ARID3A: variants seen among roughly 807,000 people sequenced by gnomAD.
ARID3A encodes AT-rich interaction domain 3A, also known as AT-rich interactive domain-containing protein 3A.
In ARID3A, 11 loss-of-function variants were observed where a neutral mutation model predicts 52.7. The observed-to-expected ratio is 0.21, with a 90% CI of 0.13 to 0.35. The LOEUF (loss-of-function observed/expected upper bound fraction) is 0.35, where lower values mean the gene tolerates loss of function less well. Ranked by LOEUF, ARID3A falls within the 10% of genes least tolerant of loss-of-function variation. The pLI, the probability that ARID3A is intolerant of heterozygous loss-of-function variation, is 1.00. For synonymous variants in ARID3A, 404 were observed against 359.4 expected (o/e 1.12, Z -1.40); for missense variants, 721 against 838.5 (o/e 0.86, Z 1.73).
At chr19:955,715 G>C (rs867286805) in intron 3 of ARID3A, among the ~76,000 whole-genome samples, 16 of 152,290 alleles carry the variant, frequency 1.1e-4, no homozygotes, top group African/African-American at 3.8e-4. Context: ...GGGAAGGGGG[G>C]GTCCAGGCAG....
chr19:966,511 C>T, intron 6 of ARID3A, 61 bp from the exon 7 acceptor site: 2 of 1,387,564 alleles, frequency 1.4e-6, no homozygotes, highest in Admixed American at 2.3e-5. Context: ...ATGTTCCTGC[C>T]TTGAGTGGAA....
chr19:952,261 A>G (rs1029789752), intron 3 of ARID3A, among the ~76,000 whole-genome samples: 5 of 151,798 alleles, frequency 3.3e-5, no homozygotes, highest in Non-Finnish European at 7.4e-5. Flanking sequence ...CCTGGGCAAC[A>G]TAGCAAGACC....
chr19:967,037 C>G (rs577262725), intron 7 of ARID3A, among the ~76,000 whole-genome samples, 169 bp downstream of exon 7: 34 of 152,034 alleles, frequency 2.2e-4, no homozygotes, highest in African/African-American at 8.2e-4. Context: ...GTGGGTGGAT[C>G]ACTTGAGGTC....
At chr19:967,999 C>T (rs1322457385) in intron 7 of ARID3A, among the ~76,000 whole-genome samples, 4 of 148,048 alleles carry the variant, frequency 2.7e-5, no homozygotes, top group Non-Finnish European at 4.5e-5. Flanking sequence ...GAGCCGAGAT[C>T]GCACCACTGC....
rs1424456383 is a variant in ARID3A at position 932,750 on chromosome 19, G to T, written c.693+8G>T. The T allele has an allele frequency of 2.6e-6, 4 of 1,546,572 alleles. No individual in the cohort carries two copies. The highest frequency in any genetic ancestry group is 3.5e-6 in the Non-Finnish European group (4 of 1,146,308). ...GAGGAGCAGTTTAAGCAGGTGAGTG[G>T]GCGCGTCCCGCGTGGCGGCTGAGGC... On this transcript the variant is annotated splice_region_variant and intron_variant, in intron 3 of 8. Coordinates refer to ENST00000263620, the MANE Select transcript of ARID3A (RefSeq NM_005224.3).
Position 964,505 on chromosome 19 carries a change from G to A in ARID3A, c.950+74G>A, listed in dbSNP as rs1006018839. 4.2e-5 allele frequency: 62 copies of A among 1,482,066 alleles called. No homozygotes were observed. The highest frequency in any genetic ancestry group is 5.6e-5 in the Non-Finnish European group (62 of 1,108,788). 91.8% of individuals were successfully genotyped at this position (1,482,066 alleles called of 1,614,324 possible). ...GCCAGTGCAAGGGGCCTGCAGAAGA[G>A]GGAGGGGGTGGTGGGCAGCTGCAGA... On this transcript the variant is annotated intron_variant, in intron 5 of 8. Transcript: ENST00000263620. The surrounding 1 kb of genome is among the most constrained non-coding windows in gnomAD (Gnocchi z 5.7).
intron 2 of ARID3A, among the ~76,000 whole-genome samples, chr19:931,087 A>G (rs569582165): frequency 4.7e-4 from 71 of 151,952 alleles, no homozygotes; most frequent in African/African-American, 1.7e-3. Flanking sequence ...TGAGCCCAGG[A>G]GTTCAAGACC....
chr19:973,152 A>G lies in ARID3A; in HGVS notation c.*1087A>G, dbSNP rs1461153727. ...AGACGGAGTTTTGCTCTTGTCGCCC[A>G]GGCTGGAGTGAGTGCAATGGTGCGA... On this transcript the variant is annotated 3_prime_UTR_variant, in exon 9 of 9. Coordinates refer to ENST00000263620, the MANE Select transcript of ARID3A (RefSeq NM_005224.3). 2.0e-5 allele frequency: 2 copies of G among 99,256 alleles called. No individual in the cohort carries two copies. The highest frequency in any genetic ancestry group is 3.8e-5 in the Non-Finnish European group (2 of 52,804). 6.1% of individuals were successfully genotyped at this position (99,256 alleles called of 1,614,324 possible).
At position 959,666 on chromosome 19, in the gene ARID3A, G is replaced by A. The variant is rs1055554142; in HGVS notation, c.694-426G>A. On this transcript the variant is annotated intron_variant, in intron 3 of 8. Coordinates refer to ENST00000263620, the MANE Select transcript of ARID3A (RefSeq NM_005224.3). This position sits in a 1 kb window ranked among gnomAD's most constrained non-coding sequence, Gnocchi z 5.0. ...TGTGGCTGTAAGGGAGTTAAGGATC[G>A]ATTTGAGATGAGGTGGCCCTAAAAC... 6.6e-6 allele frequency among the ~76,000 whole-genome samples: 1 copy of A among 152,130 alleles called. No individual in the cohort carries two copies. The highest frequency in any genetic ancestry group is 1.5e-5 in the Non-Finnish European group (1 of 68,026).
intron 3 of ARID3A, among the ~76,000 whole-genome samples, chr19:953,133 T>G (rs978935048): frequency 2.0e-5 from 3 of 151,648 alleles, no homozygotes; most frequent in African/African-American, 7.3e-5. Flanking sequence ...ACTCCCTGGT[T>G]CTAGGGGTGG....
chr19:961,060 G>T (rs2038030699), intron 4 of ARID3A, among the ~76,000 whole-genome samples: 1 of 152,174 alleles, frequency 6.6e-6, no homozygotes, highest in East Asian at 1.9e-4. Context: ...CTGCTGCCAG[G>T]TAGGAGCCGC....
chr19:971,257 C>T (rs781423983), intron 8 of ARID3A, among the ~76,000 whole-genome samples: 1 of 152,160 alleles, frequency 6.6e-6, no homozygotes, highest in Non-Finnish European at 1.5e-5. Context: ...TGTTTTAGGC[C>T]AGGAACTTGA....
Position 932,057 on chromosome 19 carries a change from G to T in ARID3A, c.369-361G>T, listed in dbSNP as rs113186570. On this transcript the variant is annotated intron_variant, in intron 2 of 8. Coordinates refer to ENST00000263620, the MANE Select transcript of ARID3A (RefSeq NM_005224.3). ...GTGGCCCAGGCTGGAGTGCAGTGGTGCCATCATAGCTCACTACAGCCTCCA... is the reference window on the plus strand; with the variant it reads ...GTGGCCCAGGCTGGAGTGCAGTGGTTCCATCATAGCTCACTACAGCCTCCA... 3.0e-3 allele frequency among the ~76,000 whole-genome samples: 454 copies of T among 151,954 alleles called. 4 individuals are homozygous for T. The highest frequency in any genetic ancestry group is 0.01 in the African/African-American group (434 of 41,438).
At chr19:971,379 A>G (rs540028298) in intron 8 of ARID3A, among the ~76,000 whole-genome samples, 1 of 152,346 alleles carries the variant, frequency 6.6e-6, no homozygotes, top group Middle Eastern at 3.4e-3. Context: ...TGGGAGGCCA[A>G]GGTGGGTGGA....
intron 3 of ARID3A, among the ~76,000 whole-genome samples, chr19:945,383 G>T (rs2037657138): frequency 6.6e-6 from 1 of 151,958 alleles, no homozygotes; most frequent in Admixed American, 6.6e-5. Context: ...GTGTGGCATG[G>T]CCCCTGCTGC....
At chr19:969,113 A>T (rs1445624773) in intron 8 of ARID3A, among the ~76,000 whole-genome samples, 3 of 151,804 alleles carry the variant, frequency 2.0e-5, no homozygotes, top group African/African-American at 7.2e-5. Flanking sequence ...TGTATTTTTT[A>T]TTTTTTTTAA....
In ARID3A at chr19:971,776, G is replaced by T. The variant is rs545799956; in HGVS notation, c.1595-102G>T. ...CACTCTAGCCTGGGGGACAGAGTGA[G>T]AGAGAAGTTTATTCCCCGGAGCACC... On this transcript the variant is annotated intron_variant, in intron 8 of 8. Transcript: ENST00000263620. 5.5e-5 allele frequency: 77 copies of T among 1,409,424 alleles called. 1 individual carries two copies. In the South Asian group the frequency reaches 6.1e-4, roughly 11 times the overall value. The allele number at this position is 1,409,424 out of a possible 1,614,324, so 87.3% of individuals were successfully genotyped here. A position where few individuals can be genotyped will look rare whatever the true frequency, so the allele number is the denominator to read the frequency against.
At chr19:945,269 C>T (rs927268258) in intron 3 of ARID3A, among the ~76,000 whole-genome samples, 5 of 152,244 alleles carry the variant, frequency 3.3e-5, no homozygotes, top group African/African-American at 9.6e-5. Context: ...GCCCGTAAGA[C>T]GGGGATGGTA....
chr19:957,353 C>T (rs1235023055), intron 3 of ARID3A, among the ~76,000 whole-genome samples: 1 of 152,194 alleles, frequency 6.6e-6, no homozygotes, highest in Non-Finnish European at 1.5e-5. Flanking sequence ...GGGCCAAGTC[C>T]CCAGCAGCCC....
Sources: gnomAD v4.1 joint callset for allele counts (sites outside exome capture counted in the v4.1 genomes callset) on GRCh38, gnomAD v4.1.1 for gene constraint, Gnocchi (gnomAD v3.1) non-coding constraint, MANE v1.5 for transcripts, NCBI Gene and HGNC (gene_info 2026-07-23, HGNC 2026-07-21) for gene names.